Variants in HELZ observed in about 807,000 individuals in gnomAD.
The protein encoded by HELZ is helicase with zinc finger, also known as ATP-dependent RNA helicase with zinc finger domain.
Under a neutral mutation model 218.2 loss-of-function variants are expected in HELZ, and 23 were observed. The ratio of observed to expected loss-of-function variants is 0.11; its 90% CI spans 0.08 to 0.15. The LOEUF (loss-of-function observed/expected upper bound fraction) is 0.15, where lower values mean the gene tolerates loss of function less well. Among genes scored for constraint, HELZ ranks in the 10% least tolerant of loss-of-function variants. The probability of loss-of-function intolerance (pLI) is 1.00; values close to 1 mark genes in which losing one functional copy is unlikely to be tolerated. For synonymous variants in HELZ, 814 were observed against 829.4 expected, an observed-to-expected ratio of 0.98 and a Z score of 0.32; for missense variants, 1,813 against 2,353.7, an observed-to-expected ratio of 0.77 and a Z score of 4.75.
chr17:67,114,017 G>A (rs2037359214), intron 28 of HELZ, among the ~76,000 whole-genome samples: 1 of 152,282 alleles, frequency 6.6e-6, no homozygotes, highest in South Asian at 2.1e-4. Flanking sequence ...CCTTCTTCAC[G>A]ATAATGACAC....
chr17:67,169,950 T>C (rs1191764711), intron 13 of HELZ, among the ~76,000 whole-genome samples: 3 of 152,072 alleles, frequency 2.0e-5, no homozygotes, highest in Non-Finnish European at 2.9e-5. Context: ...AAGTCCAAAA[T>C]CCAAAAGGGA....
intron 20 of HELZ, 94 bp from the exon 21 acceptor site, chr17:67,145,984 T>C: frequency 9.5e-7 from 1 of 1,049,140 alleles, no homozygotes; most frequent in South Asian, 1.5e-5. Flanking sequence ...TCTAATAATA[T>C]TGCCTTATGT....
intron 20 of HELZ, among the ~76,000 whole-genome samples, chr17:67,147,615 C>A (rs1192947108): frequency 6.6e-6 from 1 of 151,996 alleles, no homozygotes; most frequent in Non-Finnish European, 1.5e-5. Context: ...GTAGCTGGGA[C>A]CACAGGTGCA....
At chr17:67,105,389 G>A (rs2037069785) in intron 31 of HELZ, among the ~76,000 whole-genome samples, 1 of 152,174 alleles carries the variant, frequency 6.6e-6, no homozygotes, top group African/African-American at 2.4e-5. Flanking sequence ...CATAATGTAT[G>A]ACTCAATTTT....
Position 67,114,218 on chromosome 17 carries a change from A to G in HELZ, c.3918+106T>C. 4.0e-6 allele frequency: 3 copies of G among 741,278 alleles called. No individual in the cohort carries two copies. In the South Asian group the frequency reaches 4.8e-5, roughly 12 times the overall value. 45.9% of individuals were successfully genotyped at this position (741,278 alleles called of 1,614,324 possible). ...TATATCCCTGTGAAAAAATAAACAT[A>G]AAGGATAAGTGTACAAAGGGAGGTA... On this transcript the variant is annotated intron_variant, in intron 28 of 32. Transcript: ENST00000358691.
intron 3 of HELZ, among the ~76,000 whole-genome samples, chr17:67,230,098 A>AT (rs1444071831): frequency 1.3e-5 from 2 of 152,204 alleles, no homozygotes; most frequent in Non-Finnish European, 2.9e-5. Flanking sequence ...TCTAAAAATT[A>AT]TATCAACAGC....
At chr17:67,123,861 G>C in intron 25 of HELZ, 102 bp downstream of exon 25, 2 of 790,844 alleles carry the variant, frequency 2.5e-6, no homozygotes, top group Non-Finnish European at 4.6e-6. Flanking sequence ...GAGAAAGAGA[G>C]AGAGAAACCA....
chr17:67,102,061 A>C (rs982736935), intron 31 of HELZ, among the ~76,000 whole-genome samples: 8 of 152,238 alleles, frequency 5.3e-5, no homozygotes, highest in Non-Finnish European at 1.0e-4. Context: ...CCAAGCAGCC[A>C]AGGGCCATGG....
At chr17:67,214,126 T>C (rs931171006) in intron 5 of HELZ, among the ~76,000 whole-genome samples, 3 of 152,110 alleles carry the variant, frequency 2.0e-5, no homozygotes, top group African/African-American at 7.2e-5. Flanking sequence ...TTCCCATAGA[T>C]AGCAGGGATT....
chr17:67,104,526 C>T (rs1457952153), intron 31 of HELZ, among the ~76,000 whole-genome samples: 1 of 150,430 alleles, frequency 6.6e-6, no homozygotes, highest in Non-Finnish European at 1.5e-5. Flanking sequence ...GGATATGACA[C>T]CAAAAGCATA....
chr17:67,235,580 A>T (rs187756893), intron 3 of HELZ, among the ~76,000 whole-genome samples: 2 of 152,014 alleles, frequency 1.3e-5, no homozygotes, highest in African/African-American at 2.4e-5. Flanking sequence ...TCCTGCTTCA[A>T]CCCAGCACAT....
At chr17:67,225,901 A>G (rs986132799) in intron 3 of HELZ, among the ~76,000 whole-genome samples, 1 of 152,246 alleles carries the variant, frequency 6.6e-6, no homozygotes, top group African/African-American at 2.4e-5. Context: ...AGAATAAAAG[A>G]CAAGTTAGAG....
rs546948772 is a variant in HELZ at position 67,141,639 on chromosome 17, A to G, written c.2770-3525T>C. On this transcript the variant is annotated intron_variant, in intron 21 of 32. Coordinates refer to ENST00000358691, the MANE Select transcript of HELZ (RefSeq NM_014877.4). Reference sequence around the variant, plus strand: ...TGTAGGAGTATAGTTTCTATAGCCCATTGGAATTCATTTAATAAAAATTTG... The same window carrying G: ...TGTAGGAGTATAGTTTCTATAGCCCGTTGGAATTCATTTAATAAAAATTTG... Among the ~76,000 whole-genome samples, 3 of 152,176 alleles carry G rather than the reference A, an allele frequency of 2.0e-5. No homozygotes were observed. The South Asian group carries it at 6.2e-4, about 32-fold the overall frequency.
In HELZ at chr17:67,188,262, A is replaced by T; in HGVS notation, c.1162+57T>A. On this transcript the variant is annotated intron_variant, in intron 12 of 32. Coordinates refer to ENST00000358691, the MANE Select transcript of HELZ (RefSeq NM_014877.4). This position sits in a 1 kb window ranked among gnomAD's most constrained non-coding sequence, Gnocchi z 4.1. Reference sequence around the variant, plus strand: ...GGAATATATTCAGGGGCCAATACATATCTTTGAATGTTGCTTTTTAACACA... The same window carrying T: ...GGAATATATTCAGGGGCCAATACATTTCTTTGAATGTTGCTTTTTAACACA... 4.7e-6 allele frequency: 7 copies of T among 1,484,488 alleles called. No individual in the cohort carries two copies. Among genetic ancestry groups the T allele is most frequent in the Non-Finnish European group, 6.4e-6 (7 of 1,087,428 alleles). The allele number at this position is 1,484,488 out of a possible 1,614,324, so 92.0% of individuals were successfully genotyped here.
chr17:67,089,781 A>T (rs2036524091), intron 31 of HELZ, among the ~76,000 whole-genome samples: 1 of 149,072 alleles, frequency 6.7e-6, no homozygotes, highest in Non-Finnish European at 1.5e-5. Context: ...GACCTTGCTA[A>T]ATTCACATTA....
intron 6 of HELZ, 145 bp from the exon 7 acceptor site, chr17:67,201,330 T>A: frequency 1.8e-6 from 1 of 561,080 alleles, no homozygotes; most frequent in South Asian, 2.6e-5. Context: ...CCATTAACGA[T>A]GACAATAAAG....
At position 67,223,755 on chromosome 17, in the gene HELZ, G is replaced by GA. The variant is rs112587369; in HGVS notation, c.-18-4934dup. Among the ~76,000 whole-genome samples the GA allele has an allele frequency of 5.9e-3, 872 of 148,184 alleles. 10 individuals are homozygous for GA. Among genetic ancestry groups the GA allele is most frequent in the African/African-American group, 0.019 (776 of 40,488 alleles). On this transcript the variant is annotated intron_variant, in intron 3 of 32. Coordinates refer to ENST00000358691, the MANE Select transcript of HELZ (RefSeq NM_014877.4). ...CGACAGAGCAAGACTCCCTCTCAAA[G>GA]AAAAAAAAAATATCCAAACTTTTAT... is the stretch of plus-strand genomic sequence containing the variant.
At position 67,167,486 on chromosome 17, in the gene HELZ, G is replaced by T; in HGVS notation, c.1741C>A (p.Leu581Ile). The part of the protein sequence containing the change: ...LSRECCEELN[L>I]RPDCDTQVEL... ...ACCTGTGTGTCACAGTCAGGCCGAA[G>T]ATTAAGTTCTTCACAGCATTCCCTA... The change falls in exon 14 of 33, where the codon CTT (leucine) becomes ATT (isoleucine). Residue 581 changes from leucine to isoleucine, a missense_variant. Physicochemically the swap from Leu to Ile is conservative, Grantham distance 5 (BLOSUM62 2). This residue lies in a region of HELZ where 714 missense variants were observed against 1,029.2 expected (regional missense o/e 0.69). Coordinates refer to ENST00000358691, the MANE Select transcript of HELZ (RefSeq NM_014877.4). The T allele has an allele frequency of 6.2e-7, 1 of 1,613,092 alleles. No individual in the cohort carries two copies. The highest frequency in any genetic ancestry group is 8.5e-7 in the Non-Finnish European group (1 of 1,179,274).
At chr17:67,228,981 G>C (rs1349665345) in intron 3 of HELZ, among the ~76,000 whole-genome samples, 4 of 152,066 alleles carry the variant, frequency 2.6e-5, no homozygotes, top group African/African-American at 9.7e-5. Context: ...GCCACCCAAA[G>C]TGCTGGGATT....
Sources: gnomAD v4.1 joint callset for allele counts (sites outside exome capture counted in the v4.1 genomes callset) on GRCh38, gnomAD v4.1.1 for gene constraint, gnomAD v4.1.1 regional missense constraint, Gnocchi (gnomAD v3.1) non-coding constraint, MANE v1.5 for transcripts, NCBI Gene and HGNC (gene_info 2026-07-23, HGNC 2026-07-21) for gene names.